Variants in PCDHGB3 observed in about 807,000 individuals in gnomAD.
PCDHGB3 encodes protocadherin gamma-B3.
A neutral mutation model predicts 59.2 loss-of-function variants in PCDHGB3; 40 were observed. The observed-to-expected ratio is 0.68, with a 90% CI of 0.52 to 0.88. The LOEUF is 0.88. PCDHGB3 is among the 40% of genes least tolerant of loss of function. PCDHGB3 has a pLI of 0.00. For missense variants in PCDHGB3, 1,309 were observed against 1,187.9 expected (o/e 1.10, Z -1.50); for synonymous variants, 581 against 503.6 (o/e 1.15, Z -2.06).
chr5:141,375,593 T>C (rs922478028), intron 1 of PCDHGB3: 1 of 1,614,024 alleles, frequency 6.2e-7, no homozygotes, highest in African/African-American at 1.3e-5. Flanking sequence ...CCTGTCCTCC[T>C]ACGTGTCCAT....
At chr5:141,419,602 C>G (rs757423030) in intron 1 of PCDHGB3, 3 of 1,611,874 alleles carry the variant, frequency 1.9e-6, no homozygotes, top group African/African-American at 2.7e-5. Context: ...TGCCGCGGGC[C>G]GCGCAGCCAG....
chr5:141,430,587 T>C, intron 1 of PCDHGB3: 1 of 521,996 alleles, frequency 1.9e-6, no homozygotes, highest in Non-Finnish European at 3.1e-6. Context: ...CCTGCTCGCC[T>C]TGCACGCGCC....
chr5:141,458,394 T>A (rs2098944697), intron 1 of PCDHGB3, among the ~76,000 whole-genome samples: 1 of 152,062 alleles, frequency 6.6e-6, no homozygotes, highest in African/African-American at 2.4e-5. Context: ...ACGCTCCCCC[T>A]TGCAGAGACG....
intron 1 of PCDHGB3, chr5:141,408,475 CCGT>C: frequency 6.2e-7 from 1 of 1,614,032 alleles, no homozygotes; most frequent in Non-Finnish European, 8.5e-7. Context: ...ACCGAATAGA[CCGT>C]GAGCAAATAT....
intron 1 of PCDHGB3, chr5:141,390,317 C>T: frequency 1.2e-6 from 2 of 1,610,390 alleles, no homozygotes; most frequent in Non-Finnish European, 1.7e-6. Context: ...ATGCTCATTG[C>T]CTACCCATTT....
At chr5:141,415,740 G>GTTTTTTTTTTTTTTTTTGTTTTT (rs2095912994) in intron 1 of PCDHGB3, 1 of 515,998 alleles carries the variant, frequency 1.9e-6, no homozygotes. Flanking sequence ...GTTTATTAAG[G>GTTTTTTTTTTTTTTTTTGTTTTT]TTTTTTTTTT....
rs2233610 is a variant in PCDHGB3, at chr5:141,505,535, G to A, written c.2563+54G>A. ...AGTGGGAGACCTGGGGTTCTGGGGT[G>A]CATCTCACAGCCACCATGCCCACGG... is the stretch of plus-strand genomic sequence containing the variant. On this transcript the variant is annotated intron_variant, in intron 3 of 3. Transcript: ENST00000576222. 12 of 1,610,344 alleles carry A rather than the reference G, an allele frequency of 7.5e-6. No individual in the cohort carries two copies. The East Asian group carries it at 1.8e-4, about 24-fold the overall frequency.
intron 1 of PCDHGB3, chr5:141,410,048 C>T (rs1471679304): frequency 4.3e-6 from 7 of 1,613,042 alleles, no homozygotes; most frequent in Non-Finnish European, 4.2e-6. Flanking sequence ...TGAGCCCGGA[C>T]TCTTCAGCCT....
intron 1 of PCDHGB3, among the ~76,000 whole-genome samples, chr5:141,381,931 G>A (rs1032910832): frequency 6.3e-5 from 9 of 143,684 alleles, no homozygotes; most frequent in African/African-American, 2.3e-4. Context: ...CCGGGTTCAA[G>A]CGATTTTCCT....
chr5:141,431,227 C>A lies in PCDHGB3; in HGVS notation c.2415+58418C>A, dbSNP rs759752051. On this transcript the variant is annotated intron_variant, in intron 1 of 3. Transcript: ENST00000576222. This position sits in a 1 kb window ranked among gnomAD's most constrained non-coding sequence, Gnocchi z 4.8. Reference sequence around the variant, plus strand: ...CTGAGATGCGGTTCCCTCTACCCCACGCCTGGGATCCGGATATCGGGAAGA... The same window carrying A: ...CTGAGATGCGGTTCCCTCTACCCCAAGCCTGGGATCCGGATATCGGGAAGA... 6.2e-7 allele frequency: 1 copy of A among 1,614,180 alleles called. No homozygotes were observed. The highest frequency in any genetic ancestry group is 8.5e-7 in the Non-Finnish European group (1 of 1,180,042).
intron 1 of PCDHGB3, among the ~76,000 whole-genome samples, chr5:141,444,735 C>G (rs924159168): frequency 6.6e-6 from 1 of 152,116 alleles, no homozygotes; most frequent in Admixed American, 6.5e-5. Flanking sequence ...TGTTGAAAGT[C>G]ATTTCACTGA....
intron 1 of PCDHGB3, among the ~76,000 whole-genome samples, chr5:141,452,674 G>A (rs2098746885): frequency 6.6e-6 from 1 of 151,936 alleles, no homozygotes; most frequent in Non-Finnish European, 1.5e-5. Context: ...TCCAGCCTAG[G>A]CCACAGAATG....
intron 1 of PCDHGB3, among the ~76,000 whole-genome samples, chr5:141,436,292 G>T (rs2097808605): frequency 6.6e-6 from 1 of 152,158 alleles, no homozygotes; most frequent in Non-Finnish European, 1.5e-5. Context: ...ACAAATCATT[G>T]AGAGTTAGAG....
intron 2 of PCDHGB3, among the ~76,000 whole-genome samples, chr5:141,502,845 T>G (rs2099816267): frequency 6.8e-6 from 1 of 147,606 alleles, no homozygotes; most frequent in South Asian, 2.1e-4. Context: ...CTGGCTGAGC[T>G]GCCTAACCCT....
At chr5:141,399,008 G>A (rs2093737383) in intron 1 of PCDHGB3, 4 of 1,613,904 alleles carry the variant, frequency 2.5e-6, no homozygotes, top group African/African-American at 1.3e-5. Flanking sequence ...AATTCAAAGA[G>A]CGGAGAAATT....
At chr5:141,406,748 A>G (rs180930343) in intron 1 of PCDHGB3, among the ~76,000 whole-genome samples, 80 of 152,312 alleles carry the variant, frequency 5.3e-4, no homozygotes, top group Non-Finnish European at 1.5e-4. Context: ...GTGAAATGAC[A>G]AAACAAGGAA....
At position 141,486,720 on chromosome 5, in the gene PCDHGB3, C is replaced by G; in HGVS notation, c.2416-8087C>G. ...ATCTCTCTGAACCCCCAGACAGGAG[C>G]TGTTCATGCTACTCGATCCTTTGAC... On this transcript the variant is annotated intron_variant, in intron 1 of 3. Coordinates refer to ENST00000576222, the MANE Select transcript of PCDHGB3 (RefSeq NM_018924.5). This position sits in a 1 kb window ranked among gnomAD's most constrained non-coding sequence, Gnocchi z 5.0. The G allele has an allele frequency of 6.2e-7, 1 of 1,614,216 alleles. No homozygotes were observed. Among genetic ancestry groups the G allele is most frequent in the Non-Finnish European group, 8.5e-7 (1 of 1,180,038 alleles).
At position 141,371,540 on chromosome 5, in the gene PCDHGB3, C is replaced by A; in HGVS notation, c.1146C>A (p.Ile382=). 1 of 1,613,728 alleles carries A rather than the reference C, an allele frequency of 6.2e-7. No individual in the cohort carries two copies. Among genetic ancestry groups the A allele is most frequent in the Non-Finnish European group, 8.5e-7 (1 of 1,179,738 alleles). Residue 382 remains isoleucine, a synonymous_variant, in exon 1 of 4, where the codon ATC becomes ATA. Transcript: ENST00000576222. ...TAGATTCTGGATTTAATGGAGAAAT[C>A]CTATGCCAACTAAAAGGAAACTTCC... ...HDLDSGFNGE[I]LCQLKGNFPF...
intron 1 of PCDHGB3, chr5:141,396,447 C>A: frequency 6.6e-6 from 1 of 152,186 alleles, no homozygotes. Flanking sequence ...GGTGAAACCC[C>A]GTCTCTACTA....
Sources: gnomAD v4.1 joint callset for allele counts (sites outside exome capture counted in the v4.1 genomes callset) on GRCh38, gnomAD v4.1.1 for gene constraint, Gnocchi (gnomAD v3.1) non-coding constraint, MANE v1.5 for transcripts, NCBI Gene and HGNC (gene_info 2026-07-23, HGNC 2026-07-21) for gene names.